The following SNX10 variants were observed in gnomAD, a reference collection of about 807,000 sequenced individuals.
SNX10 encodes sorting nexin 10.
Under a neutral mutation model 28.5 loss-of-function variants are expected in SNX10, and 25 were observed. The ratio of observed to expected loss-of-function variants is 0.88; its 90% CI spans 0.64 to 1.22. SNX10 has a LOEUF of 1.22. Among genes scored for constraint, SNX10 ranks in the 50% most tolerant of loss-of-function variants. SNX10 has a pLI of 0.00. For synonymous variants in SNX10, 62 were observed against 81.4 expected, an observed-to-expected ratio of 0.76 and a Z score of 1.28; for missense variants, 223 against 242.6, an observed-to-expected ratio of 0.92 and a Z score of 0.54.
At chr7:26,334,021 G>A (rs1456860476) in intron 1 of SNX10, among the ~76,000 whole-genome samples, 1 of 152,124 alleles carries the variant, frequency 6.6e-6, no homozygotes, top group Non-Finnish European at 1.5e-5. Context: ...CACTCCCCCA[G>A]CTTCTGAGAT....
At chr7:26,335,498 C>T (rs1195907194) in intron 1 of SNX10, among the ~76,000 whole-genome samples, 1 of 152,142 alleles carries the variant, frequency 6.6e-6, no homozygotes, top group Non-Finnish European at 1.5e-5. Flanking sequence ...AGTCAGACAT[C>T]CATCCCTGAT....
intron 1 of SNX10, among the ~76,000 whole-genome samples, chr7:26,295,013 T>C (rs1294575645): frequency 1.4e-4 from 21 of 152,256 alleles, no homozygotes; most frequent in Non-Finnish European, 4.4e-5. Context: ...AAGTAACTAC[T>C]CCTTGCTCCC....
intron 1 of SNX10, among the ~76,000 whole-genome samples, chr7:26,328,405 A>G (rs901946347): frequency 6.6e-6 from 1 of 152,166 alleles, no homozygotes; most frequent in Non-Finnish European, 1.5e-5. Context: ...TGGACACAGT[A>G]AGTTTGAGGT....
At chr7:26,297,337 G>A (rs941397490) in intron 1 of SNX10, among the ~76,000 whole-genome samples, 15 of 152,216 alleles carry the variant, frequency 9.9e-5, no homozygotes, top group African/African-American at 2.6e-4. Flanking sequence ...CTCGTGACCC[G>A]CCCGTCTCGG....
At position 26,372,003 on chromosome 7, in the gene SNX10, A is replaced by G. The variant is rs974918209; in HGVS notation, c.494A>G (p.Lys165Arg). The change falls in exon 6 of 7, where the codon AAA becomes AGA. Residue 165 changes from lysine to arginine, a missense_variant. Physicochemically the swap from Lys to Arg is conservative, Grantham distance 26. Coordinates refer to ENST00000338523, the MANE Select transcript of SNX10 (RefSeq NM_013322.3). ...RFPEEDEEGK[K>R]ENDIDYDSES... The stretch of plus-strand genomic sequence containing the variant: ...CCTGAAGAAGATGAAGAAGGAAAAA[A>G]AGAAAATGATATAGATTATGATTCA... The G allele has an allele frequency of 1.2e-6, 2 of 1,610,730 alleles. No homozygotes were observed. The highest frequency in any genetic ancestry group is 2.7e-5 in the African/African-American group (2 of 74,844).
rs907813252 is a variant in SNX10, at chr7:26,373,278, C to T, written c.*706C>T. 4 of 152,056 alleles carry T rather than the reference C, an allele frequency of 2.6e-5. No homozygotes were observed. The highest frequency in any genetic ancestry group is 5.9e-5 in the Non-Finnish European group (4 of 67,922). The allele number at this position is 152,056 out of a possible 1,614,324, so 9.4% of individuals were successfully genotyped here. On this transcript the variant is annotated 3_prime_UTR_variant, in exon 7 of 7. Coordinates refer to ENST00000338523, the MANE Select transcript of SNX10 (RefSeq NM_013322.3). This position sits in a 1 kb window ranked among gnomAD's most constrained non-coding sequence, Gnocchi z 4.2. ...GAAATACATTTTCATTATCCAAAAT[C>T]AGCTTCAACAAATGGTTTCTGGAGA... is the stretch of plus-strand genomic sequence containing the variant.
chr7:26,342,671 T>C (rs1444697672), intron 1 of SNX10, among the ~76,000 whole-genome samples: 5 of 152,194 alleles, frequency 3.3e-5, no homozygotes, highest in African/African-American at 4.8e-5. Context: ...TGTATAGAGC[T>C]TAGAAAATGA....
chr7:26,354,013 C>T (rs377088891), intron 2 of SNX10: 4 of 152,166 alleles, frequency 2.6e-5, no homozygotes, highest in Admixed American at 6.6e-5. Context: ...TATTAGCTTT[C>T]GTCTTTTGTG....
chr7:26,329,282 G>C (rs73683287), intron 1 of SNX10, among the ~76,000 whole-genome samples: 43 of 152,222 alleles, frequency 2.8e-4, no homozygotes, highest in African/African-American at 1.0e-3. Context: ...TTCGGCCTTG[G>C]CTTTGGCACA....
At chr7:26,301,018 CCAAAAAAAAAAAA>C (rs1277068801) in intron 1 of SNX10, among the ~76,000 whole-genome samples, 829 of 64,002 alleles carry the variant, frequency 0.013, 12 homozygotes, top group Admixed American at 0.021. Flanking sequence ...TACTCTGTCT[CCAAAAAAAAAAAA>C]AAAAAAAAAA....
chr7:26,360,795 T>G (rs1050849421), intron 2 of SNX10, 180 bp from the exon 3 acceptor site: 4 of 984,450 alleles, frequency 4.1e-6, no homozygotes, highest in Non-Finnish European at 4.8e-6. Context: ...CAAAAGTGTG[T>G]TCTAGATTTG....
chr7:26,317,848 A>G (rs951495932), intron 1 of SNX10, among the ~76,000 whole-genome samples: 1 of 152,000 alleles, frequency 6.6e-6, no homozygotes, highest in African/African-American at 2.4e-5. Context: ...TTTTTAGTAG[A>G]GATGGGGTTT....
intron 1 of SNX10, among the ~76,000 whole-genome samples, chr7:26,322,615 G>A (rs928781687): frequency 7.9e-5 from 12 of 152,144 alleles, no homozygotes; most frequent in African/African-American, 2.9e-4. Context: ...TTGAATCCAG[G>A]TGATACTGCT....
chr7:26,326,993 C>T (rs1388752086), intron 1 of SNX10, among the ~76,000 whole-genome samples: 1 of 149,760 alleles, frequency 6.7e-6, no homozygotes, highest in East Asian at 2.0e-4. Context: ...CTCTGTCACC[C>T]AGGCTGGAGT....
intron 1 of SNX10, among the ~76,000 whole-genome samples, chr7:26,311,338 AGG>A (rs1786841356): frequency 1.3e-5 from 2 of 152,040 alleles, no homozygotes; most frequent in South Asian, 4.2e-4. Flanking sequence ...TTTAGTAGAG[AGG>A]GGGTTTCACT....
intron 2 of SNX10, among the ~76,000 whole-genome samples, chr7:26,349,177 G>T (rs1788499336): frequency 6.6e-6 from 1 of 152,140 alleles, no homozygotes; most frequent in African/African-American, 2.4e-5. Context: ...GGTACAGTGA[G>T]TATGGAAGCA....
chr7:26,320,476 G>T (rs980791568), intron 1 of SNX10, among the ~76,000 whole-genome samples: 1 of 151,506 alleles, frequency 6.6e-6, no homozygotes, highest in Non-Finnish European at 1.5e-5. Context: ...CTGTTGCCCG[G>T]GCTGGAGTGC....
chr7:26,312,574 A>G (rs1046909592), intron 1 of SNX10, among the ~76,000 whole-genome samples: 1 of 152,158 alleles, frequency 6.6e-6, no homozygotes, highest in Admixed American at 6.5e-5. Flanking sequence ...TCACAAGGTC[A>G]GGCGTTCGAG....
chr7:26,325,329 T>TATATATATATATATATATATATATATG (rs1345177484), intron 1 of SNX10, among the ~76,000 whole-genome samples: 1 of 14,970 alleles, frequency 6.7e-5, no homozygotes. Context: ...ATATATATAT[T>TATATATATATATATATATATATATATG]TGAGATGGAG....
Sources: gnomAD v4.1 joint callset for allele counts (sites outside exome capture counted in the v4.1 genomes callset) on GRCh38, gnomAD v4.1.1 for gene constraint, Gnocchi (gnomAD v3.1) non-coding constraint, MANE v1.5 for transcripts, NCBI Gene and HGNC (gene_info 2026-07-23, HGNC 2026-07-21) for gene names.